Variants in CACNB4 observed in about 807,000 individuals in gnomAD.
CACNB4 encodes voltage-dependent L-type calcium channel subunit beta-4.
In CACNB4, 32 loss-of-function variants were observed where a neutral mutation model predicts 71.2. The observed-to-expected ratio is 0.45, with a 90% CI of 0.34 to 0.60. The LOEUF (loss-of-function observed/expected upper bound fraction) is 0.60, where lower values mean the gene tolerates loss of function less well. Ranked by LOEUF, CACNB4 falls within the 20% of genes least tolerant of loss-of-function variation. CACNB4 has a pLI of 0.01. For missense variants in CACNB4, 464 were observed against 647.9 expected, an observed-to-expected ratio of 0.72 and a Z score of 3.08; for synonymous variants, 231 against 236.9, an observed-to-expected ratio of 0.97 and a Z score of 0.23.
At chr2:152,013,492 C>G (rs993831840) in intron 2 of CACNB4, among the ~76,000 whole-genome samples, 1 of 152,036 alleles carries the variant, frequency 6.6e-6, no homozygotes, top group Non-Finnish European at 1.5e-5. Context: ...AGGAGAGGTG[C>G]CTTTAGACCT....
intron 9 of CACNB4, chr2:151,867,419 G>C (rs1261324614): frequency 6.6e-6 from 1 of 152,130 alleles, no homozygotes; most frequent in Admixed American, 6.6e-5. Context: ...ATAACCAAAA[G>C]TTTCAAACAG....
intron 2 of CACNB4, among the ~76,000 whole-genome samples, chr2:152,074,776 A>C (rs1194336428): frequency 2.0e-5 from 3 of 150,146 alleles, no homozygotes; most frequent in Admixed American, 1.3e-4. Flanking sequence ...ACCTCCACCC[A>C]ACCCTTACCA....
chr2:151,962,833 T>A (rs2099870006), intron 2 of CACNB4: 1 of 152,206 alleles, frequency 6.6e-6, no homozygotes, highest in African/African-American at 2.4e-5. Flanking sequence ...TACAAGTAGA[T>A]AAAGTTCTCA....
At chr2:151,938,827 T>A (rs1168107175) in intron 2 of CACNB4, among the ~76,000 whole-genome samples, 2 of 152,178 alleles carry the variant, frequency 1.3e-5, no homozygotes, top group African/African-American at 4.8e-5. Flanking sequence ...GCATCAGATG[T>A]CTGATTTTGT....
chr2:151,980,805 G>A (rs763221408), intron 2 of CACNB4, among the ~76,000 whole-genome samples: 3 of 152,150 alleles, frequency 2.0e-5, no homozygotes, highest in East Asian at 1.9e-4. Context: ...AGATTCTTAC[G>A]AACTAAATAA....
intron 2 of CACNB4, among the ~76,000 whole-genome samples, chr2:152,078,616 T>G (rs1323798878): frequency 6.6e-6 from 1 of 152,218 alleles, no homozygotes; most frequent in Non-Finnish European, 1.5e-5. Context: ...TGAAGAAATC[T>G]GTTTAACTTC....
At chr2:151,962,354 A>G (rs543786316) in intron 2 of CACNB4, among the ~76,000 whole-genome samples, 1 of 151,990 alleles carries the variant, frequency 6.6e-6, no homozygotes, top group East Asian at 1.9e-4. Flanking sequence ...ATTTTATTAA[A>G]CCCTCTCAAT....
intron 2 of CACNB4, among the ~76,000 whole-genome samples, chr2:151,992,637 A>G (rs536785118): frequency 1.3e-5 from 2 of 152,326 alleles, no homozygotes; most frequent in South Asian, 4.1e-4. Context: ...GAGATATGTG[A>G]ATGCAAACCA....
chr2:152,064,024 T>G (rs1173453255), intron 2 of CACNB4, among the ~76,000 whole-genome samples: 1 of 152,204 alleles, frequency 6.6e-6, no homozygotes, highest in Non-Finnish European at 1.5e-5. Flanking sequence ...CAGCAGACAA[T>G]GTAATAACAG....
chr2:152,005,633 C>G (rs776884428), intron 2 of CACNB4, among the ~76,000 whole-genome samples: 2 of 152,172 alleles, frequency 1.3e-5, no homozygotes, highest in Admixed American at 1.3e-4. Flanking sequence ...GTCCTTGGAA[C>G]AAACCTGCAC....
chr2:151,927,180 A>G (rs34261814), intron 2 of CACNB4, among the ~76,000 whole-genome samples: 6 of 152,240 alleles, frequency 3.9e-5, no homozygotes, highest in Non-Finnish European at 7.3e-5. Context: ...AGAAACATCC[A>G]CAGAGGATTT....
chr2:152,007,542 C>A (rs2151790131), intron 2 of CACNB4, among the ~76,000 whole-genome samples: 1 of 152,322 alleles, frequency 6.6e-6, no homozygotes, highest in Non-Finnish European at 1.5e-5. Flanking sequence ...CAGCACGAGT[C>A]AAACTTTTCC....
chr2:151,983,675 TCACACACACACACACACACACACA>T (rs1553803380), intron 2 of CACNB4, among the ~76,000 whole-genome samples: 2 of 141,540 alleles, frequency 1.4e-5, no homozygotes, highest in African/African-American at 5.2e-5. Context: ...TAAACTTTGG[TCACACACACACACACACACACACA>T]CACACACACA....
chr2:151,921,632 G>A lies in CACNB4; in HGVS notation c.148-38262C>T, dbSNP rs140420743. The stretch of plus-strand genomic sequence containing the variant: ...GCCAGCCACCTCCCTTGGCTCATAG[G>A]CCCCTTCCTCCATATTTGATATGGT... On this transcript the variant is annotated intron_variant, in intron 2 of 13. Coordinates refer to ENST00000539935, the MANE Select transcript of CACNB4 (RefSeq NM_000726.5). Among the ~76,000 whole-genome samples the A allele has an allele frequency of 8.9e-3, 1,355 of 152,152 alleles. 16 individuals carry two copies. The highest frequency in any genetic ancestry group is 0.031 in the African/African-American group (1,274 of 41,518).
At chr2:151,979,326 CTTCATAA>C (rs2099874330) in intron 2 of CACNB4, among the ~76,000 whole-genome samples, 1 of 152,048 alleles carries the variant, frequency 6.6e-6, no homozygotes, top group African/African-American at 2.4e-5. Context: ...AAAAATAATA[CTTCATAA>C]TTCATAAGAG....
rs60040188 is a variant in CACNB4, at chr2:151,878,550, T to TACACACACACACACACACACACAC, written c.391-2018_391-1995dup. On this transcript the variant is annotated intron_variant, in intron 4 of 13. Transcript: ENST00000539935. ...CAGGGTAACATAGCAAGACCCTGTCTACACACACACACACACACACACACA... is the reference window on the plus strand; with the variant it reads ...CAGGGTAACATAGCAAGACCCTGTCTACACACACACACACACACACACACACACACACACACACACACACACACA... 6.0e-3 allele frequency among the ~76,000 whole-genome samples: 782 copies of TACACACACACACACACACACACAC among 129,928 alleles called. 15 individuals are homozygous for TACACACACACACACACACACACAC. Among genetic ancestry groups the TACACACACACACACACACACACAC allele is most frequent in the Middle Eastern group, 0.016 (4 of 258 alleles). The allele number at this position is 129,928 out of a possible 152,430, so 85.2% of individuals were successfully genotyped here.
intron 2 of CACNB4, among the ~76,000 whole-genome samples, chr2:151,921,431 T>A (rs1351313642): frequency 6.6e-6 from 1 of 152,198 alleles, no homozygotes; most frequent in Non-Finnish European, 1.5e-5. Flanking sequence ...ATTGCTGCTG[T>A]AAGAATGACC....
At chr2:151,883,404 T>C (rs376337945) in intron 2 of CACNB4, 34 bp from the exon 3 acceptor site, 4 of 1,611,972 alleles carry the variant, frequency 2.5e-6, no homozygotes, top group Non-Finnish European at 3.4e-6. Context: ...TCAGATGATG[T>C]GTAGCTTCTT....
intron 2 of CACNB4, among the ~76,000 whole-genome samples, chr2:152,024,424 A>C (rs1469228717): frequency 6.6e-6 from 1 of 152,242 alleles, no homozygotes; most frequent in African/African-American, 2.4e-5. Flanking sequence ...TTAGCTGACA[A>C]TGGCTACTCT....
Sources: allele counts gnomAD v4.1 joint callset (sites outside exome capture counted in the v4.1 genomes callset), GRCh38; gene constraint gnomAD v4.1.1; transcripts MANE v1.5; gene names NCBI Gene and HGNC (gene_info 2026-07-23, HGNC 2026-07-21).